The following COG3 variants were observed in gnomAD, a reference collection of about 807,000 sequenced individuals.
The protein encoded by COG3 is component of oligomeric golgi complex 3.
Under a neutral mutation model 114.1 loss-of-function variants are expected in COG3, and 32 were observed. The observed-to-expected ratio is 0.28, with a 90% confidence interval of 0.21 to 0.38. COG3 has a LOEUF of 0.38. COG3 is among the 10% of genes least tolerant of loss of function. The pLI, the probability that COG3 is intolerant of heterozygous loss-of-function variation, is 1.00. For missense variants in COG3, 813 were observed against 973.2 expected (o/e 0.84, Z 2.19); for synonymous variants, 352 against 365.7 (o/e 0.96, Z 0.43).
intron 1 of COG3, among the ~76,000 whole-genome samples, chr13:45,470,948 C>T (rs1885436824): frequency 6.6e-6 from 1 of 152,204 alleles, no homozygotes; most frequent in Non-Finnish European, 1.5e-5. Context: ...TGAGCCACAG[C>T]TCCCAGTGAG....
chr13:45,516,241 C>T lies in COG3; in HGVS notation c.1908C>T (p.Ser636=), dbSNP rs777108856. 6.3e-7 allele frequency: 1 copy of T among 1,589,178 alleles called. No individual in the cohort carries two copies. The highest frequency in any genetic ancestry group is 1.2e-5 in the South Asian group (1 of 85,836). Residue 636 remains serine (S), a synonymous_variant, in exon 17 of 23, where the codon TCC becomes TCT. Coordinates refer to ENST00000349995, the MANE Select transcript of COG3 (RefSeq NM_031431.4). Reference sequence around the variant, plus strand: ...CTGAATTCACCATTAAGGAAATTTCCCTGGACCTCAAGAAAACTAGAGGTA... The same window carrying T: ...CTGAATTCACCATTAAGGAAATTTCTCTGGACCTCAAGAAAACTAGAGGTA... The part of the protein sequence containing the change: ...FHTEFTIKEI[S]LDLKKTRDAA...
At chr13:45,487,623 G>A (rs1334960572) in intron 8 of COG3, among the ~76,000 whole-genome samples, 1 of 152,112 alleles carries the variant, frequency 6.6e-6, no homozygotes, top group Non-Finnish European at 1.5e-5. Flanking sequence ...TGGCCAGCAG[G>A]TATATGAAAA....
intron 16 of COG3, among the ~76,000 whole-genome samples, chr13:45,514,104 TAATTTTAAAA>T (rs1323766461): frequency 6.6e-6 from 1 of 150,936 alleles, no homozygotes; most frequent in African/African-American, 2.4e-5. Context: ...AAATATGACC[TAATTTTAAAA>T]AAAGTTCATA....
chr13:45,507,340 GTTAGT>G (rs1350495160), intron 14 of COG3, among the ~76,000 whole-genome samples: 2 of 152,026 alleles, frequency 1.3e-5, no homozygotes, highest in African/African-American at 2.4e-5. Context: ...CAAATTAAAT[GTTAGT>G]TTAAAGTGAG....
intron 22 of COG3, among the ~76,000 whole-genome samples, chr13:45,531,667 C>T (rs1289596272): frequency 2.0e-5 from 3 of 151,888 alleles, no homozygotes; most frequent in East Asian, 1.9e-4. Flanking sequence ...GCCACCATGC[C>T]GAGCTAATTT....
At chr13:45,478,983 A>G in intron 2 of COG3, 22 bp from the exon 3 acceptor site, 1 of 1,588,908 alleles carries the variant, frequency 6.3e-7, no homozygotes, top group East Asian at 2.2e-5. Flanking sequence ...TTTGTTCACA[A>G]TATAATACTC....
At chr13:45,494,319 C>G (rs1050249592) in intron 12 of COG3, among the ~76,000 whole-genome samples, 9 of 140,130 alleles carry the variant, frequency 6.4e-5, no homozygotes, top group African/African-American at 2.4e-4. Context: ...CAGCAAGACT[C>G]TGTCTTAAAA....
At chr13:45,486,332 C>T (rs1227121346) in intron 7 of COG3, among the ~76,000 whole-genome samples, 163 bp from the exon 8 acceptor site, 13 of 54,848 alleles carry the variant, frequency 2.4e-4, no homozygotes, top group Non-Finnish European at 7.2e-5. Flanking sequence ...AGACGGGAGA[C>T]GGGAGACGGG....
chr13:45,476,286 T>C lies in COG3; in HGVS notation c.260T>C (p.Ile87Thr), dbSNP rs757298983. 1 of 1,614,036 alleles carries C rather than the reference T, an allele frequency of 6.2e-7. No individual in the cohort carries two copies. Among genetic ancestry groups the C allele is most frequent in the Non-Finnish European group, 8.5e-7 (1 of 1,179,948 alleles). The change falls in exon 2 of 23, where the codon ATT (isoleucine) becomes ACT (threonine). Residue 87 changes from isoleucine to threonine, a missense_variant. Around this residue, in one of 2 missense-constraint regions of COG3, gnomAD observed 424 missense variants for 430.6 expected, o/e 0.98. Coordinates refer to ENST00000349995, the MANE Select transcript of COG3 (RefSeq NM_031431.4). ...TSVVPESTEDILLKGFTSLGM... is the reference protein window; with the variant it reads ...TSVVPESTEDTLLKGFTSLGM... ...GTAGTGCCTGAATCTACAGAAGACA[T>C]TCTCTTGAAGGGCTTCACTTCCTTA...
At chr13:45,528,473 C>G (rs897815776) in intron 20 of COG3, among the ~76,000 whole-genome samples, 2 of 152,164 alleles carry the variant, frequency 1.3e-5, no homozygotes, top group Non-Finnish European at 2.9e-5. Context: ...CTACAACCCT[C>G]CTCAATTAAA....
rs192596536 is a variant in COG3, at chr13:45,536,351, G to A, written c.*1620G>A. On this transcript the variant is annotated 3_prime_UTR_variant, in exon 23 of 23. Transcript: ENST00000349995. ...GATTTAATTTGATTTACAGAGCGGA[G>A]TGTGTTCTTATAAAAATATTTAATG... is the stretch of plus-strand genomic sequence containing the variant. 7.2e-5 allele frequency: 11 copies of A among 152,310 alleles called. No individual in the cohort carries two copies. The East Asian group carries it at 2.1e-3, about 29-fold the overall frequency. 9.4% of individuals were successfully genotyped at this position (152,310 alleles called of 1,614,324 possible).
At chr13:45,504,638 G>A (rs1400746436) in intron 14 of COG3, among the ~76,000 whole-genome samples, 1 of 152,142 alleles carries the variant, frequency 6.6e-6, no homozygotes, top group African/African-American at 2.4e-5. Context: ...ATACAGAGAT[G>A]AGGGATATGG....
intron 15 of COG3, among the ~76,000 whole-genome samples, chr13:45,510,990 G>A (rs915917896): frequency 4.6e-5 from 7 of 152,194 alleles, no homozygotes; most frequent in African/African-American, 1.7e-4. Context: ...CCAGGGCCCA[G>A]GACAGTGGCC....
intron 13 of COG3, 29 bp from the exon 14 acceptor site, chr13:45,503,215 G>GT: frequency 9.1e-7 from 1 of 1,099,466 alleles, no homozygotes; most frequent in Non-Finnish European, 1.4e-6. Flanking sequence ...GCTGAAAACG[G>GT]TAACATTCCT....
chr13:45,481,076 TTTAG>T (rs747702881), intron 4 of COG3, among the ~76,000 whole-genome samples, 150 bp from the exon 5 acceptor site: 29 of 152,222 alleles, frequency 1.9e-4, no homozygotes, highest in Non-Finnish European at 4.0e-4. Context: ...TATCGCCCCT[TTTAG>T]TTCATGATTG....
intron 19 of COG3, among the ~76,000 whole-genome samples, chr13:45,519,333 T>G (rs1232659706): frequency 1.3e-5 from 2 of 152,232 alleles, no homozygotes; most frequent in Non-Finnish European, 2.9e-5. Flanking sequence ...AAGCTAGTTA[T>G]AGCTGACCCC....
At chr13:45,495,986 T>C (rs1868717048) in intron 12 of COG3, among the ~76,000 whole-genome samples, 166 bp from the exon 13 acceptor site, 1 of 152,226 alleles carries the variant, frequency 6.6e-6, no homozygotes, top group African/African-American at 2.4e-5. Flanking sequence ...AGACATTTAT[T>C]AAACTTTTCC....
At chr13:45,529,941 G>C in intron 21 of COG3, 23 bp downstream of exon 21, 1 of 1,589,254 alleles carries the variant, frequency 6.3e-7, no homozygotes, top group Non-Finnish European at 8.5e-7. Context: ...TAACTCATTT[G>C]AATGTTGGCG....
chr13:45,502,061 C>T (rs2137857441), intron 13 of COG3, among the ~76,000 whole-genome samples: 1 of 152,192 alleles, frequency 6.6e-6, no homozygotes, highest in East Asian at 1.9e-4. Flanking sequence ...TGGTCCATAG[C>T]TGGAATTATC....
Sources: gnomAD v4.1 joint callset for allele counts (sites outside exome capture counted in the v4.1 genomes callset) on GRCh38, gnomAD v4.1.1 for gene constraint, gnomAD v4.1.1 regional missense constraint, MANE v1.5 for transcripts, NCBI Gene and HGNC (gene_info 2026-07-23, HGNC 2026-07-21) for gene names.